IMPG2: variants seen among roughly 807,000 people sequenced by gnomAD.
The protein encoded by IMPG2 is IPM 200.
IMPG2 carries 91 observed loss-of-function variants against 129.2 expected under a neutral mutation model. The observed-to-expected ratio is 0.70, with a 90% CI of 0.59 to 0.84. The LOEUF (loss-of-function observed/expected upper bound fraction) is 0.84, where lower values mean the gene tolerates loss of function less well. Ranked by LOEUF, IMPG2 falls within the 40% of genes least tolerant of loss-of-function variation. The pLI, the probability that IMPG2 is intolerant of heterozygous loss-of-function variation, is 0.00. For missense variants in IMPG2, 1,430 were observed against 1,461.7 expected, an observed-to-expected ratio of 0.98 and a Z score of 0.35; for synonymous variants, 510 against 517.7, an observed-to-expected ratio of 0.99 and a Z score of 0.20.
At chr3:101,240,403 G>T (rs1576746552) in intron 14 of IMPG2, among the ~76,000 whole-genome samples, 1 of 152,170 alleles carries the variant, frequency 6.6e-6, no homozygotes, top group African/African-American at 2.4e-5. Flanking sequence ...ACAAGTGTGA[G>T]TCACAGCACC....
intron 6 of IMPG2, among the ~76,000 whole-genome samples, chr3:101,274,199 T>A (rs939938275): frequency 5.9e-5 from 9 of 151,792 alleles, no homozygotes; most frequent in Admixed American, 2.0e-4. Context: ...AAAAAAATAA[T>A]AAATAAATAA....
Position 101,224,322 on chromosome 3 carries a change from C to T in IMPG2, c.*2647G>A, listed in dbSNP as rs1427468356. 6.6e-6 allele frequency: 1 copy of T among 152,070 alleles called. No individual in the cohort carries two copies. The highest frequency in any genetic ancestry group is 1.5e-5 in the Non-Finnish European group (1 of 68,006). 9.4% of individuals were successfully genotyped at this position (152,070 alleles called of 1,614,324 possible). On this transcript the variant is annotated 3_prime_UTR_variant, in exon 19 of 19. Coordinates refer to ENST00000193391, the MANE Select transcript of IMPG2 (RefSeq NM_016247.4). ...TATAAAGGCTACATCTGTAAAACAC[C>T]ACAGTATCTTACAACCTTTTATAAT...
chr3:101,269,590 T>A lies in IMPG2; in HGVS notation c.829-17A>T. On this transcript the variant is annotated splice_polypyrimidine_tract_variant and intron_variant, in intron 7 of 18. Coordinates refer to ENST00000193391, the MANE Select transcript of IMPG2 (RefSeq NM_016247.4). ...ATTTTCAACCTGTTAAAAGTACAAA[T>A]AAAAATGATAACTATGTAAAAATAT... The A allele has an allele frequency of 6.9e-7, 1 of 1,450,964 alleles. No homozygotes were observed. Among genetic ancestry groups the A allele is most frequent in the Non-Finnish European group, 9.7e-7 (1 of 1,032,476 alleles). 89.9% of individuals were successfully genotyped at this position (1,450,964 alleles called of 1,614,324 possible). A position where few individuals can be genotyped will look rare whatever the true frequency, so the allele number is the denominator to read the frequency against.
chr3:101,262,059 C>T (rs113006622), intron 9 of IMPG2, among the ~76,000 whole-genome samples: 1 of 152,002 alleles, frequency 6.6e-6, no homozygotes, highest in Admixed American at 6.6e-5. Flanking sequence ...TCCTCAGATG[C>T]CCTGATTGAC....
At chr3:101,279,807 A>G (rs764222547) in intron 4 of IMPG2, among the ~76,000 whole-genome samples, 12 of 152,222 alleles carry the variant, frequency 7.9e-5, no homozygotes, top group Non-Finnish European at 1.2e-4. Context: ...TCAAAATAAC[A>G]TTATTTTAAT....
chr3:101,244,774 A>C lies in IMPG2; in HGVS notation c.1557T>G (p.Val519=). Residue 519 remains valine, a synonymous_variant, in exon 13 of 19, where the codon GTT becomes GTG. Transcript: ENST00000193391. ...SHLVEDGLAN[V]EESEDFLSID... ...TAGAAAGAAAATCTTCTGACTCTTC[A>C]ACATTGGCTAATCCTAAAAATAAAG... 1 of 1,613,724 alleles carries C rather than the reference A, an allele frequency of 6.2e-7. No homozygotes were observed. Among genetic ancestry groups the C allele is most frequent in the South Asian group, 1.1e-5 (1 of 91,080 alleles).
chr3:101,245,051 T>C (rs1706461434), intron 12 of IMPG2, among the ~76,000 whole-genome samples: 1 of 151,938 alleles, frequency 6.6e-6, no homozygotes, highest in Non-Finnish European at 1.5e-5. Flanking sequence ...TTTTTTTTTT[T>C]AATTCCACGA....
rs1406716597 is a variant in IMPG2 at position 101,292,495 on chromosome 3, T to TA, written c.502-986dup. Among the ~76,000 whole-genome samples the TA allele has an allele frequency of 5.9e-5, 9 of 152,332 alleles. No individual in the cohort carries two copies. The East Asian group carries it at 1.7e-3, about 29-fold the overall frequency. On this transcript the variant is annotated intron_variant, in intron 3 of 18. Coordinates refer to ENST00000193391, the MANE Select transcript of IMPG2 (RefSeq NM_016247.4). ...CCTTAATTTTAAAATACTTTATTGCTAAAAAATGCAAACAATCCTCTGAGC... is the reference window on the plus strand; with the variant it reads ...CCTTAATTTTAAAATACTTTATTGCTAAAAAAATGCAAACAATCCTCTGAGC...
At chr3:101,291,222 T>C (rs930875095) in intron 4 of IMPG2, among the ~76,000 whole-genome samples, 2 of 152,206 alleles carry the variant, frequency 1.3e-5, no homozygotes, top group Admixed American at 6.5e-5. Context: ...ACCATAAATC[T>C]GTTTTCTTAT....
intron 6 of IMPG2, among the ~76,000 whole-genome samples, chr3:101,274,581 C>T (rs1162015657): frequency 6.6e-6 from 1 of 152,148 alleles, no homozygotes; most frequent in Non-Finnish European, 1.5e-5. Context: ...CTACAGCAAA[C>T]TAATTTTTGT....
intron 3 of IMPG2, among the ~76,000 whole-genome samples, chr3:101,300,534 G>C (rs1213505396): frequency 6.6e-6 from 1 of 152,236 alleles, no homozygotes; most frequent in Non-Finnish European, 1.5e-5. Context: ...GGGCTCCCAA[G>C]TGAGATCTTC....
At position 101,244,336 on chromosome 3, in the gene IMPG2, T is replaced by C; in HGVS notation, c.1995A>G (p.Ser665=). 6.2e-7 allele frequency: 1 copy of C among 1,614,066 alleles called. No individual in the cohort carries two copies. The highest frequency in any genetic ancestry group is 2.2e-5 in the East Asian group (1 of 44,872). The change falls in exon 13 of 19, where the codon TCA becomes TCG. Residue 665 remains serine, a synonymous_variant. Transcript: ENST00000193391. Reference sequence around the variant, plus strand: ...TGGATCTGTCATCATGTTCATATTTTGAGTGCTTACTAATTTGGTCTGTGG... The same window carrying C: ...TGGATCTGTCATCATGTTCATATTTCGAGTGCTTACTAATTTGGTCTGTGG... ...MDSTDQISKH[S]KYEHDDRSTH...
chr3:101,273,515 G>T (rs746139081), intron 7 of IMPG2, 66 bp downstream of exon 7: 29 of 1,512,344 alleles, frequency 1.9e-5, no homozygotes, highest in Non-Finnish European at 2.7e-5. Context: ...TTTAAACAGT[G>T]TTGTGAATAT....
chr3:101,276,048 C>T (rs189008156), intron 5 of IMPG2, among the ~76,000 whole-genome samples: 58 of 152,220 alleles, frequency 3.8e-4, no homozygotes, highest in Non-Finnish European at 6.2e-4. Flanking sequence ...AAAGGGGACA[C>T]ATACTAAAAG....
At chr3:101,240,368 C>T (rs1706393842) in intron 14 of IMPG2, among the ~76,000 whole-genome samples, 2 of 152,190 alleles carry the variant, frequency 1.3e-5, no homozygotes, top group Admixed American at 1.3e-4. Flanking sequence ...ATCCTTCTCC[C>T]TCAGCCTCCT....
chr3:101,291,683 G>C (rs1342561050), intron 3 of IMPG2, among the ~76,000 whole-genome samples, 173 bp from the exon 4 acceptor site: 2 of 152,138 alleles, frequency 1.3e-5, no homozygotes, highest in Admixed American at 1.3e-4. Flanking sequence ...TTTGTTTTGT[G>C]ACTATAGCAA....
At chr3:101,276,170 A>C (rs529793601) in intron 5 of IMPG2, among the ~76,000 whole-genome samples, 1 of 152,364 alleles carries the variant, frequency 6.6e-6, no homozygotes, top group South Asian at 2.1e-4. Context: ...TAGATGTTTG[A>C]AATTTCTAAC....
chr3:101,295,159 C>G (rs1360290658), intron 3 of IMPG2, among the ~76,000 whole-genome samples: 4 of 152,182 alleles, frequency 2.6e-5, no homozygotes, highest in Non-Finnish European at 5.9e-5. Context: ...TTGCCCATGC[C>G]TACGTCCTGA....
chr3:101,231,454 A>G (rs1255602899), intron 15 of IMPG2, among the ~76,000 whole-genome samples: 1 of 152,242 alleles, frequency 6.6e-6, no homozygotes, highest in Admixed American at 6.5e-5. Context: ...CCTAGGAAGG[A>G]AAGTGACTGG....
Sources: allele counts gnomAD v4.1 joint callset (sites outside exome capture counted in the v4.1 genomes callset), GRCh38; gene constraint gnomAD v4.1.1; transcripts MANE v1.5; gene names NCBI Gene and HGNC (gene_info 2026-07-23, HGNC 2026-07-21).